The following MYO1B variants were observed in gnomAD, a reference collection of about 807,000 sequenced individuals.
MYO1B encodes the protein myosin IB, also known as unconventional myosin-Ib.
Under a neutral mutation model 159.7 loss-of-function variants are expected in MYO1B, and 72 were observed. The observed-to-expected ratio is 0.45, with a 90% CI of 0.37 to 0.55. MYO1B has a LOEUF of 0.55. Ranked by LOEUF, MYO1B falls within the 20% of genes least tolerant of loss-of-function variation. MYO1B has a pLI of 0.00. For synonymous variants in MYO1B, 468 were observed against 473.8 expected, an observed-to-expected ratio of 0.99 and a Z score of 0.16; for missense variants, 1,062 against 1,364.8, an observed-to-expected ratio of 0.78 and a Z score of 3.50.
intron 3 of MYO1B, among the ~76,000 whole-genome samples, chr2:191,298,223 TG>T (rs1174511678): frequency 6.6e-6 from 1 of 152,274 alleles, no homozygotes; most frequent in Non-Finnish European, 1.5e-5. Flanking sequence ...TGAATAAATC[TG>T]CTGGTATATT....
rs774333569 is a variant in MYO1B, at chr2:191,296,143, C to T, written c.168C>T (p.Asn56=). Residue 56 remains asparagine (N), a synonymous_variant, in exon 3 of 31, where the codon AAC becomes AAT. Transcript: ENST00000392318. ...TTGGAAGTGTGGTTATATCTGTTAA[C>T]CCATACCGGTCTTTACCCATTTATT... ...TYIGSVVISV[N]PYRSLPIYSP... The T allele has an allele frequency of 1.9e-6, 3 of 1,606,068 alleles. No individual in the cohort carries two copies. The highest frequency in any genetic ancestry group is 1.3e-5 in the African/African-American group (1 of 74,682).
At chr2:191,310,423 G>A (rs1040719285) in intron 3 of MYO1B, among the ~76,000 whole-genome samples, 3 of 152,026 alleles carry the variant, frequency 2.0e-5, no homozygotes, top group Non-Finnish European at 4.4e-5. Context: ...GGCTGGTCTC[G>A]AACTCCTGAC....
intron 1 of MYO1B, among the ~76,000 whole-genome samples, chr2:191,269,010 C>T (rs35892286): frequency 0.38 from 57,789 of 152,044 alleles, 11,182 homozygotes; most frequent in Middle Eastern, 0.53. Context: ...GTAAAATATA[C>T]ATAACATAAA....
rs768820094 is a variant in MYO1B, at chr2:191,341,572, T to C, written c.451+7T>C. ...TCCAACCCGGTCCTGGAAGGTAGGA[T>C]GTGTTATGTTCATTAAGTCGGTGTG... On this transcript the variant is annotated splice_region_variant and intron_variant, in intron 5 of 30. Transcript: ENST00000392318. 7 of 1,608,094 alleles carry C rather than the reference T, an allele frequency of 4.4e-6. No individual in the cohort carries two copies. The highest frequency in any genetic ancestry group is 6.0e-6 in the Non-Finnish European group (7 of 1,175,152).
chr2:191,413,848 C>T (rs1283027786), intron 27 of MYO1B, among the ~76,000 whole-genome samples, 200 bp from the exon 28 acceptor site: 3 of 152,128 alleles, frequency 2.0e-5, no homozygotes, highest in Non-Finnish European at 2.9e-5. Context: ...ATGATCACCC[C>T]AAAAGTGTAT....
chr2:191,326,793 T>C (rs1691114111), intron 3 of MYO1B, among the ~76,000 whole-genome samples: 1 of 142,026 alleles, frequency 7.0e-6, no homozygotes, highest in African/African-American at 3.0e-5. Context: ...TGTGTGTGTG[T>C]GTGTGTGTGT....
chr2:191,270,275 G>A (rs1687380565), intron 1 of MYO1B, among the ~76,000 whole-genome samples: 1 of 152,162 alleles, frequency 6.6e-6, no homozygotes, highest in African/African-American at 2.4e-5. Flanking sequence ...TTAGACCGAA[G>A]CATAAGGATG....
chr2:191,387,342 A>G lies in MYO1B; in HGVS notation c.1673A>G (p.Asn558Ser), dbSNP rs1489408822. 1 of 1,614,030 alleles carries G rather than the reference A, an allele frequency of 6.2e-7. No individual in the cohort carries two copies. Among genetic ancestry groups the G allele is most frequent in the Non-Finnish European group, 8.5e-7 (1 of 1,180,036 alleles). The change falls in exon 17 of 31, where the codon AAT (asparagine) becomes AGT (serine). Residue 558 changes from asparagine to serine, a missense_variant. Transcript: ENST00000392318. The part of the protein sequence containing the change: ...ALIKSLFPEG[N>S]PAKINLKRPP... Reference sequence around the variant, plus strand: ...ATCAAGTCTTTGTTCCCCGAAGGGAATCCCGCCAAGATCAACCTGAAAAGG... The same window carrying G: ...ATCAAGTCTTTGTTCCCCGAAGGGAGTCCCGCCAAGATCAACCTGAAAAGG...
chr2:191,293,606 G>T (rs541737075), intron 2 of MYO1B, among the ~76,000 whole-genome samples: 39 of 152,268 alleles, frequency 2.6e-4, no homozygotes, highest in African/African-American at 8.9e-4. Context: ...TGTTGCCATG[G>T]CATTTGTAAA....
intron 2 of MYO1B, among the ~76,000 whole-genome samples, chr2:191,277,682 C>T (rs1286245179): frequency 6.6e-6 from 1 of 152,136 alleles, no homozygotes; most frequent in Non-Finnish European, 1.5e-5. Flanking sequence ...CATTTATATG[C>T]AGCTTTTCTG....
intron 18 of MYO1B, 33 bp from the exon 19 acceptor site, chr2:191,392,075 G>A: frequency 6.5e-7 from 1 of 1,531,364 alleles, no homozygotes; most frequent in Non-Finnish European, 9.0e-7. Flanking sequence ...TTGTAACTCA[G>A]AAAACTCACT....
chr2:191,283,472 G>A (rs554348345), intron 2 of MYO1B, among the ~76,000 whole-genome samples: 2 of 152,236 alleles, frequency 1.3e-5, no homozygotes, highest in African/African-American at 4.8e-5. Context: ...TTTTCTTATT[G>A]GTTGGTAAAA....
intron 30 of MYO1B, among the ~76,000 whole-genome samples, chr2:191,421,397 T>C (rs189421907): frequency 2.0e-5 from 3 of 152,082 alleles, no homozygotes; most frequent in African/African-American, 7.2e-5. Context: ...TCAGGAATTA[T>C]AGACATGGAA....
intron 1 of MYO1B, among the ~76,000 whole-genome samples, chr2:191,268,608 A>G (rs990431128): frequency 2.6e-5 from 4 of 152,240 alleles, no homozygotes; most frequent in African/African-American, 9.6e-5. Flanking sequence ...GCCTACAGCT[A>G]GAACCACTCT....
chr2:191,375,921 T>C (rs1029184601), intron 13 of MYO1B, among the ~76,000 whole-genome samples: 1 of 149,448 alleles, frequency 6.7e-6, no homozygotes, highest in Non-Finnish European at 1.5e-5. Context: ...ATTACACCAC[T>C]GCACTCCAGC....
intron 2 of MYO1B, among the ~76,000 whole-genome samples, chr2:191,290,612 C>T (rs1688634296): frequency 6.6e-6 from 1 of 152,138 alleles, no homozygotes. Context: ...TGTGTGTGCA[C>T]ATAAATAGAC....
intron 1 of MYO1B, among the ~76,000 whole-genome samples, chr2:191,268,755 T>G (rs889768060): frequency 6.6e-6 from 1 of 152,146 alleles, no homozygotes; most frequent in Non-Finnish European, 1.5e-5. Flanking sequence ...CTCTATGAGC[T>G]CCATGCTCTG....
At chr2:191,279,471 T>C (rs1687928292) in intron 2 of MYO1B, among the ~76,000 whole-genome samples, 1 of 152,160 alleles carries the variant, frequency 6.6e-6, no homozygotes, top group South Asian at 2.1e-4. Context: ...GGTTACTCTT[T>C]TAGACCTCTG....
chr2:191,318,121 AACACAACATATT>A (rs1311099784), intron 3 of MYO1B, among the ~76,000 whole-genome samples: 20 of 152,176 alleles, frequency 1.3e-4, no homozygotes, highest in African/African-American at 4.6e-4. Flanking sequence ...CCAAACTTAA[AACACAACATATT>A]ACACACCATA....
Sources: allele counts gnomAD v4.1 joint callset (sites outside exome capture counted in the v4.1 genomes callset), GRCh38; gene constraint gnomAD v4.1.1; transcripts MANE v1.5; gene names NCBI Gene and HGNC (gene_info 2026-07-23, HGNC 2026-07-21).